The following RPS19BP1 variants were observed in gnomAD, a reference collection of about 807,000 sequenced individuals.
RPS19BP1 encodes active regulator of SIRT1.
A neutral mutation model predicts 16.6 loss-of-function variants in RPS19BP1; 14 were observed. That is an observed-to-expected ratio of 0.84 (90% CI 0.56 to 1.32). RPS19BP1 has a LOEUF of 1.32. Ranked by LOEUF, RPS19BP1 falls within the 40% of genes most tolerant of loss-of-function variation. RPS19BP1 has a pLI of 0.00. For missense variants in RPS19BP1, 188 were observed against 178.6 expected, an observed-to-expected ratio of 1.05 and a Z score of -0.30; for synonymous variants, 90 against 77.3, an observed-to-expected ratio of 1.16 and a Z score of -0.86.
At chr22:39,529,781 T>C in intron 3 of RPS19BP1, 39 bp downstream of exon 3, 2 of 1,605,400 alleles carry the variant, frequency 1.2e-6, no homozygotes, top group African/African-American at 2.7e-5. Context: ...GCCTCGGCTC[T>C]CACCTCCCAG....
chr22:39,529,826 G>T lies in RPS19BP1; in HGVS notation c.273C>A (p.Ser91Arg). 6.2e-7 allele frequency: 1 copy of T among 1,613,976 alleles called. No individual in the cohort carries two copies. Among genetic ancestry groups the T allele is most frequent in the Non-Finnish European group, 8.5e-7 (1 of 1,179,880 alleles). Residue 91 changes from serine to arginine, a missense_variant, in exon 3 of 4, where the codon AGC becomes AGA. By Grantham distance (110) the Ser-to-Arg change is moderately radical. Coordinates refer to ENST00000334678, the MANE Select transcript of RPS19BP1 (RefSeq NM_194326.4). ...TATAGTACCCTCGACCAACCTGCTG[G>T]CTCACAGACTCAGCCACGGTGCTTC... ...RTRSTVAESV[S>R]QQILRQNRGR...
At chr22:39,532,653 C>T (rs1931348830) in intron 1 of RPS19BP1, 34 bp downstream of exon 1, 2 of 1,569,848 alleles carry the variant, frequency 1.3e-6, no homozygotes, top group Non-Finnish European at 1.7e-6. Context: ...ATCCTCCTGC[C>T]CGCGCCGGAC....
At position 39,532,519 on chromosome 22, in the gene RPS19BP1, G is replaced by T; in HGVS notation, c.57C>A (p.Pro19=). 1 of 1,613,914 alleles carries T rather than the reference G, an allele frequency of 6.2e-7. No homozygotes were observed. Among genetic ancestry groups the T allele is most frequent in the South Asian group, 1.1e-5 (1 of 91,080 alleles). The part of the protein sequence containing the change: ...GLELLAASEA[P]RDPPGQAKPR... Reference sequence around the variant, plus strand: ...GCTTGGCCTGACCTGGAGGGTCCCGGGGGGCTGTAGGGGAAGAGAGAGGAA... The same window carrying T: ...GCTTGGCCTGACCTGGAGGGTCCCGTGGGGCTGTAGGGGAAGAGAGAGGAA... The change falls in exon 2 of 4, where the codon CCC becomes CCA. Residue 19 remains proline, a synonymous_variant. Transcript: ENST00000334678.
At position 39,529,842 on chromosome 22, in the gene RPS19BP1, A is replaced by G; in HGVS notation, c.257T>C (p.Val86Ala). 1 of 1,614,150 alleles carries G rather than the reference A, an allele frequency of 6.2e-7. No homozygotes were observed. Among genetic ancestry groups the G allele is most frequent in the Non-Finnish European group, 8.5e-7 (1 of 1,180,012 alleles). Residue 86 changes from valine (V) to alanine (A), a missense_variant, in exon 3 of 4, where the codon GTG (valine) becomes GCG (alanine). Transcript: ENST00000334678. The stretch of plus-strand genomic sequence containing the variant: ...AACCTGCTGGCTCACAGACTCAGCC[A>G]CGGTGCTTCTCGTCCTGGTCAGAAA... ...LKFLTRTRST[V>A]AESVSQQILR...
chr22:39,532,138 C>T (rs1019188834), intron 2 of RPS19BP1: 13 of 482,104 alleles, frequency 2.7e-5, no homozygotes, highest in Non-Finnish European at 4.4e-5. Context: ...AATTCATAGG[C>T]TTCAATGCAC....
chr22:39,531,281 A>G (rs936867781), intron 2 of RPS19BP1: 2 of 152,232 alleles, frequency 1.3e-5, no homozygotes, highest in African/African-American at 2.4e-5. Flanking sequence ...CATGGCAAGT[A>G]TCGCTGGGGC....
chr22:39,530,388 G>T, intron 2 of RPS19BP1: 1 of 221,440 alleles, frequency 4.5e-6, no homozygotes, highest in Non-Finnish European at 9.4e-6. Context: ...CAGTGCAAAG[G>T]CCCTGAAGCA....
chr22:39,532,279 C>G (rs928130909), intron 2 of RPS19BP1, 116 bp downstream of exon 2: 5 of 1,471,050 alleles, frequency 3.4e-6, no homozygotes, highest in Non-Finnish European at 3.7e-6. Flanking sequence ...GCGCCTGGCA[C>G]ACAGTAGGTC....
intron 2 of RPS19BP1, chr22:39,532,127 T>C (rs1008763679): frequency 4.4e-6 from 2 of 451,876 alleles, no homozygotes; most frequent in East Asian, 4.8e-5. Context: ...CGTAGTCTTT[T>C]AATTCATAGG....
chr22:39,529,844 G>A lies in RPS19BP1; in HGVS notation c.255C>T (p.Thr85=), dbSNP rs1203220194. The A allele has an allele frequency of 3.7e-6, 6 of 1,614,002 alleles. No individual in the cohort carries two copies. The highest frequency in any genetic ancestry group is 1.3e-5 in the African/African-American group (1 of 74,896). The change falls in exon 3 of 4, where the codon ACC becomes ACT. Residue 85 remains threonine, a synonymous_variant. Coordinates refer to ENST00000334678, the MANE Select transcript of RPS19BP1 (RefSeq NM_194326.4). ...NLKFLTRTRS[T]VAESVSQQIL... ...CCTGCTGGCTCACAGACTCAGCCAC[G>A]GTGCTTCTCGTCCTGGTCAGAAACT...
chr22:39,531,450 A>AATATCACC (rs1931307898), intron 2 of RPS19BP1: 1 of 152,194 alleles, frequency 6.6e-6, no homozygotes, highest in Admixed American at 6.5e-5. Context: ...CACATGTCAA[A>AATATCACC]ATATCACCAT....
At chr22:39,529,957 C>G in intron 2 of RPS19BP1, 40 bp from the exon 3 acceptor site, 1 of 1,507,324 alleles carries the variant, frequency 6.6e-7, no homozygotes, top group South Asian at 1.1e-5. Flanking sequence ...CAGATTCACT[C>G]CCCCTGGAAC....
In RPS19BP1 at chr22:39,530,493, G is replaced by A. The variant is rs145931432; in HGVS notation, c.182-576C>T. 7.7e-3 allele frequency: 1,978 copies of A among 255,836 alleles called. 42 individuals carry two copies. Among genetic ancestry groups the A allele is most frequent in the African/African-American group, 0.043 (1,834 of 42,714 alleles). 15.8% of individuals were successfully genotyped at this position (255,836 alleles called of 1,614,324 possible). ...AATCTCAGCACTTTGGGAGGCCGAG[G>A]CAGGCAGGTCACCTGAGGTCAGGAG... On this transcript the variant is annotated intron_variant, in intron 2 of 3. Transcript: ENST00000334678.
chr22:39,532,253 T>C (rs1431898022), intron 2 of RPS19BP1, 142 bp downstream of exon 2: 3 of 1,210,614 alleles, frequency 2.5e-6, no homozygotes, highest in African/African-American at 1.5e-5. Flanking sequence ...CCTTCGTATG[T>C]CCAGGGCCCC....
At chr22:39,529,645 G>A (rs769210218) in intron 3 of RPS19BP1, 22 bp from the exon 4 acceptor site, 3 of 1,612,238 alleles carry the variant, frequency 1.9e-6, no homozygotes, top group Non-Finnish European at 2.5e-6. Context: ...GCGGGACCGA[G>A]GGCCCATCAT....
intron 1 of RPS19BP1, 33 bp from the exon 2 acceptor site, chr22:39,532,556 C>T (rs769403626): frequency 1.9e-6 from 3 of 1,612,526 alleles, no homozygotes; most frequent in Non-Finnish European, 2.5e-6. Context: ...AGACCCAGGT[C>T]AGAGGGCGCG....
At position 39,529,628 on chromosome 22, in the gene RPS19BP1, C is replaced by T. The variant is rs1439945543; in HGVS notation, c.280-5G>A. ...GCCCCGGTTCTGGCGCAAAATCTGGCGAGGGTGCGGGACCGAGGGCCCATC... is the reference window on the plus strand; with the variant it reads ...GCCCCGGTTCTGGCGCAAAATCTGGTGAGGGTGCGGGACCGAGGGCCCATC... On this transcript the variant is annotated splice_region_variant and splice_polypyrimidine_tract_variant and intron_variant, in intron 3 of 3. Coordinates refer to ENST00000334678, the MANE Select transcript of RPS19BP1 (RefSeq NM_194326.4). The T allele has an allele frequency of 4.3e-6, 7 of 1,613,534 alleles. No individual in the cohort carries two copies. Among genetic ancestry groups the T allele is most frequent in the African/African-American group, 4.0e-5 (3 of 74,868 alleles).
intron 1 of RPS19BP1, 75 bp from the exon 2 acceptor site, chr22:39,532,598 G>A: frequency 6.2e-7 from 1 of 1,608,338 alleles, no homozygotes; most frequent in Non-Finnish European, 8.5e-7. Context: ...GCTAAGCCCG[G>A]CCTGGATTGT....
chr22:39,532,523 G>A lies in RPS19BP1; in HGVS notation c.53C>T (p.Ala18Val), dbSNP rs574941733. ...GGCCTGACCTGGAGGGTCCCGGGGGGCTGTAGGGGAAGAGAGAGGAAGAGA... is the reference window on the plus strand; with the variant it reads ...GGCCTGACCTGGAGGGTCCCGGGGGACTGTAGGGGAAGAGAGAGGAAGAGA... ...RGLELLAASE[A>V]PRDPPGQAKP... Residue 18 changes from alanine to valine, a missense_variant and splice_region_variant, in exon 2 of 4, where the codon GCC becomes GTC. Coordinates refer to ENST00000334678, the MANE Select transcript of RPS19BP1 (RefSeq NM_194326.4). 6.2e-7 allele frequency: 1 copy of A among 1,613,904 alleles called. No homozygotes were observed. The highest frequency in any genetic ancestry group is 8.5e-7 in the Non-Finnish European group (1 of 1,179,948).
Sources: gnomAD v4.1 joint callset for allele counts on GRCh38, gnomAD v4.1.1 for gene constraint, MANE v1.5 for transcripts, NCBI Gene and HGNC (gene_info 2026-07-23, HGNC 2026-07-21) for gene names.